Variants in DIAPH2 observed in about 807,000 individuals in gnomAD.
DIAPH2 encodes the protein diaphanous related formin 2, also known as protein diaphanous homolog 2.
In DIAPH2, 35 loss-of-function variants were observed where a neutral mutation model predicts 92.7. The observed-to-expected ratio is 0.38, with a 90% CI of 0.29 to 0.50. DIAPH2 has a LOEUF of 0.50. Ranked by LOEUF, DIAPH2 falls within the 20% of genes least tolerant of loss-of-function variation. DIAPH2 has a pLI of 0.94. For missense variants in DIAPH2, 701 were observed against 819.5 expected, an observed-to-expected ratio of 0.86 and a Z score of 1.77; for synonymous variants, 301 against 280.4, an observed-to-expected ratio of 1.07 and a Z score of -0.73.
chrX:97,575,277 C>G (rs2071393707), intron 26 of DIAPH2, among the ~76,000 whole-genome samples: 1 of 112,723 alleles, frequency 8.9e-6, no homozygotes, highest in Non-Finnish European at 1.9e-5. Context: ...GCCCAGGCCT[C>G]TCTCCTAGCT....
chrX:96,719,721 T>C (rs2063977711), intron 1 of DIAPH2, among the ~76,000 whole-genome samples: 1 of 111,958 alleles, frequency 8.9e-6, no homozygotes, highest in Admixed American at 9.5e-5. Flanking sequence ...GGTAATCTGA[T>C]GCTTTCGGTT....
chrX:97,034,984 TA>T (rs1300699580), intron 17 of DIAPH2, among the ~76,000 whole-genome samples: 18 of 112,299 alleles, frequency 1.6e-4, no homozygotes, highest in Middle Eastern at 4.6e-3. Context: ...TTTATACACT[TA>T]CAAAACATAT....
At chrX:97,016,738 C>T (rs905668662) in intron 17 of DIAPH2, among the ~76,000 whole-genome samples, 4 of 112,189 alleles carry the variant, frequency 3.6e-5, no homozygotes, top group African/African-American at 9.7e-5. Flanking sequence ...ACTGTTGTCA[C>T]GGCTTCTGTT....
chrX:97,510,507 A>C (rs1373256808), intron 26 of DIAPH2, among the ~76,000 whole-genome samples: 1 of 109,189 alleles, frequency 9.2e-6, no homozygotes, highest in Non-Finnish European at 1.9e-5. Flanking sequence ...GAAGCTCTTT[A>C]GTTTAATTAG....
At chrX:97,382,436 G>T (rs1191706452) in intron 24 of DIAPH2, among the ~76,000 whole-genome samples, 3 of 112,036 alleles carry the variant, frequency 2.7e-5, no homozygotes, top group African/African-American at 9.7e-5. Flanking sequence ...CACCACTGGA[G>T]TGGGATCATA....
chrX:96,923,145 T>C (rs1052222454), intron 9 of DIAPH2, among the ~76,000 whole-genome samples: 12 of 112,152 alleles, frequency 1.1e-4, no homozygotes, highest in African/African-American at 1.9e-4. Flanking sequence ...AATACAATGA[T>C]GTACTATCAA....
intron 19 of DIAPH2, among the ~76,000 whole-genome samples, chrX:97,082,181 C>T (rs2066751061): frequency 9.1e-6 from 1 of 109,865 alleles, no homozygotes; most frequent in Admixed American, 9.7e-5. Flanking sequence ...CAGTAAGATG[C>T]GATCTCAGAA....
chrX:97,442,237 A>G (rs1259832749), intron 26 of DIAPH2: 1 of 113,015 alleles, frequency 8.8e-6, no homozygotes, highest in African/African-American at 3.2e-5. Context: ...TTATGCAGCA[A>G]TAAATTTATC....
At chrX:96,734,243 A>T (rs1186700987) in intron 1 of DIAPH2, among the ~76,000 whole-genome samples, 1 of 112,267 alleles carries the variant, frequency 8.9e-6, no homozygotes, top group Non-Finnish European at 1.9e-5. Flanking sequence ...GGAGATATAG[A>T]TGGGTTTCCA....
intron 17 of DIAPH2, among the ~76,000 whole-genome samples, chrX:97,021,661 T>C (rs2066299135): frequency 8.9e-6 from 1 of 111,849 alleles, no homozygotes; most frequent in South Asian, 3.7e-4. Context: ...AGTATAATAA[T>C]TTTGAAATAT....
In DIAPH2 at chrX:97,190,067, G is replaced by T. The variant is rs972639838; in HGVS notation, c.2719+48273G>T. The stretch of plus-strand genomic sequence containing the variant: ...ATTAGTCTTAAATAATGAAAAAGTA[G>T]CAGAAACAGATTTAGAATTTAATCT... On this transcript the variant is annotated intron_variant, in intron 22 of 26. Coordinates refer to ENST00000324765, the MANE Select transcript of DIAPH2 (RefSeq NM_006729.5). Among the ~76,000 whole-genome samples, 4 of 113,143 alleles carry T rather than the reference G, an allele frequency of 3.5e-5. No individual in the cohort carries two copies. In the South Asian group the frequency reaches 1.1e-3, roughly 30 times the overall value.
intron 26 of DIAPH2, 100 bp downstream of exon 26, chrX:97,429,845 A>G (rs1200637212): frequency 9.7e-6 from 8 of 826,324 alleles, no homozygotes; most frequent in Non-Finnish European, 1.3e-5. Flanking sequence ...ATACTTCCTC[A>G]TGAAGACTTT....
intron 5 of DIAPH2, among the ~76,000 whole-genome samples, chrX:96,908,506 A>T (rs1000410230): frequency 3.6e-5 from 4 of 111,786 alleles, no homozygotes; most frequent in Non-Finnish European, 7.5e-5. Flanking sequence ...ATCATTCTAG[A>T]TGTTCCAGTT....
At chrX:96,989,325 ATTC>A (rs72045163) in intron 17 of DIAPH2, among the ~76,000 whole-genome samples, 4,380 of 111,731 alleles carry the variant, frequency 0.039, 99 homozygotes, top group Middle Eastern at 0.083. Context: ...TTCGTGCTCC[ATTC>A]TTAAGCAGCC....
chrX:97,483,920 T>C (rs1309302417), intron 26 of DIAPH2, among the ~76,000 whole-genome samples: 1 of 111,912 alleles, frequency 8.9e-6, no homozygotes, highest in African/African-American at 3.2e-5. Flanking sequence ...AAAATTAATA[T>C]GGAGGAAACA....
At chrX:97,227,222 C>G (rs951788481) in intron 22 of DIAPH2, among the ~76,000 whole-genome samples, 1 of 110,762 alleles carries the variant, frequency 9.0e-6, no homozygotes, top group Non-Finnish European at 1.9e-5. Context: ...TACAGTGAGC[C>G]GAGATCACGC....
intron 4 of DIAPH2, among the ~76,000 whole-genome samples, chrX:96,815,282 C>T (rs1187431848): frequency 2.7e-5 from 3 of 111,695 alleles, no homozygotes; most frequent in East Asian, 5.7e-4. Flanking sequence ...CCTCGCAGGT[C>T]GATCTGTGCT....
chrX:97,228,886 T>G (rs1457017712), intron 22 of DIAPH2, among the ~76,000 whole-genome samples: 1 of 112,072 alleles, frequency 8.9e-6, no homozygotes, highest in Non-Finnish European at 1.9e-5. Context: ...ATTTGCATAT[T>G]TAAAGAAACA....
chrX:97,163,084 GGTA>G (rs1287238887), intron 22 of DIAPH2, among the ~76,000 whole-genome samples: 7 of 111,095 alleles, frequency 6.3e-5, no homozygotes, highest in Admixed American at 2.9e-4. Context: ...GGGTTGTAGA[GGTA>G]CCATATGGGA....
Sources: gnomAD v4.1 joint callset for allele counts (sites outside exome capture counted in the v4.1 genomes callset) on GRCh38, gnomAD v4.1.1 for gene constraint, MANE v1.5 for transcripts, NCBI Gene and HGNC (gene_info 2026-07-23, HGNC 2026-07-21) for gene names.